SLC24A2: variants seen among roughly 807,000 people sequenced by gnomAD.
SLC24A2 encodes sodium/potassium/calcium exchanger 2.
A neutral mutation model predicts 62.0 loss-of-function variants in SLC24A2; 36 were observed. The observed-to-expected ratio is 0.58, with a 90% CI of 0.44 to 0.77. SLC24A2 has a LOEUF of 0.77. Ranked by LOEUF, SLC24A2 falls within the 30% of genes least tolerant of loss-of-function variation. The probability of loss-of-function intolerance (pLI) is 0.00; values close to 1 mark genes in which losing one functional copy is unlikely to be tolerated. For synonymous variants in SLC24A2, 358 were observed against 294.0 expected (o/e 1.22, Z -2.23); for missense variants, 846 against 817.9 (o/e 1.03, Z -0.42).
At chr9:19,862,555 C>G in the SLC24A2 span, among the ~76,000 whole-genome samples, 1 of 152,052 alleles carries the variant, frequency 6.6e-6, no homozygotes, top group African/African-American at 2.4e-5. Flanking sequence ...TGTTATAACA[C>G]TGCAACTGTG....
chr9:20,016,437 T>C, the SLC24A2 span, among the ~76,000 whole-genome samples: 1 of 152,212 alleles, frequency 6.6e-6, no homozygotes, highest in Non-Finnish European at 1.5e-5. Flanking sequence ...AAATGTTCTA[T>C]ATTGACTCCT....
the SLC24A2 span, among the ~76,000 whole-genome samples, chr9:19,901,105 C>T: frequency 2.6e-5 from 4 of 152,300 alleles, no homozygotes; most frequent in Admixed American, 1.3e-4. Context: ...AGGCAACAAA[C>T]ATTATTGATC....
At chr9:19,539,247 CT>C (rs1302601609) in intron 8 of SLC24A2, among the ~76,000 whole-genome samples, 1 of 63,372 alleles carries the variant, frequency 1.6e-5, no homozygotes, top group Non-Finnish European at 3.0e-5. Context: ...CTTCTGCTAG[CT>C]TTTGAATGTG....
rs1175928076 is a variant in SLC24A2 at position 19,634,571 on chromosome 9, A to G, written c.931-12272T>C. Among the ~76,000 whole-genome samples the G allele has an allele frequency of 3.3e-5, 5 of 152,288 alleles. No individual in the cohort carries two copies. In the East Asian group the frequency reaches 9.7e-4, roughly 29 times the overall value. ...CCAAAGTGCCGGGATTATAGGCCTG[A>G]ACCACTGCGCCCGGCCAAAACCACA... On this transcript the variant is annotated intron_variant, in intron 2 of 10. Coordinates refer to ENST00000341998, the MANE Select transcript of SLC24A2 (RefSeq NM_020344.4).
intron 2 of SLC24A2, among the ~76,000 whole-genome samples, chr9:19,752,473 A>G (rs1822013194): frequency 6.6e-6 from 1 of 152,134 alleles, no homozygotes; most frequent in Non-Finnish European, 1.5e-5. Context: ...AGCGATCATC[A>G]TGGCAGATAA....
the SLC24A2 span, among the ~76,000 whole-genome samples, chr9:20,112,957 G>GA: frequency 6.6e-6 from 1 of 151,948 alleles, no homozygotes; most frequent in Non-Finnish European, 1.5e-5. Context: ...GTTAGGGCTG[G>GA]AAAAAACAAA....
the SLC24A2 span, among the ~76,000 whole-genome samples, chr9:20,292,613 G>A: frequency 1.1e-3 from 162 of 152,196 alleles, no homozygotes; most frequent in Non-Finnish European, 3.7e-4. Context: ...TTTTTGTTTC[G>A]TTTTGTTTTT....
chr9:20,032,271 G>A, the SLC24A2 span, among the ~76,000 whole-genome samples: 5 of 152,240 alleles, frequency 3.3e-5, no homozygotes, highest in South Asian at 4.1e-4. Context: ...ATGATTGCAC[G>A]TCTTTTCACT....
chr9:19,788,751 G>T, intron 1 of SLC24A2, 134 bp downstream of exon 1: 2 of 985,430 alleles, frequency 2.0e-6, no homozygotes, highest in South Asian at 9.4e-5. Context: ...TCCTAGCGGG[G>T]CCTGGGGCGC....
the SLC24A2 span, among the ~76,000 whole-genome samples, chr9:20,225,931 GAGA>G: frequency 3.9e-4 from 60 of 151,970 alleles, no homozygotes; most frequent in Non-Finnish European, 1.3e-4. Context: ...ATAGGAAGGA[GAGA>G]AGAAGGGAGG....
the SLC24A2 span, among the ~76,000 whole-genome samples, chr9:20,202,050 G>GGTGTGTGTGTGTGTGTGTGTGTGTGT: frequency 1.4e-5 from 2 of 141,680 alleles, no homozygotes; most frequent in Admixed American, 1.4e-4. Context: ...CCCATTTCAT[G>GGTGTGTGTGTGTGTGTGTGTGTGTGT]GTGTGTGTGT....
rs763015786 is a variant in SLC24A2, at chr9:19,508,258, T to A, written c.*7895A>T. On this transcript the variant is annotated 3_prime_UTR_variant, in exon 11 of 11. Coordinates refer to ENST00000341998, the MANE Select transcript of SLC24A2 (RefSeq NM_020344.4). ...CAATTCAGTAACTGAGGCTCCCTCT[T>A]CCGAATAGAGTCTCAGCCCTTTAGA... The A allele has an allele frequency of 4.6e-5, 7 of 152,214 alleles. No individual in the cohort carries two copies. Among genetic ancestry groups the A allele is most frequent in the Non-Finnish European group, 5.9e-5 (4 of 68,058 alleles). The allele number at this position is 152,214 out of a possible 1,614,324, so 9.4% of individuals were successfully genotyped here.
the SLC24A2 span, among the ~76,000 whole-genome samples, chr9:20,190,391 A>T: frequency 6.6e-6 from 1 of 152,222 alleles, no homozygotes; most frequent in Non-Finnish European, 1.5e-5. Context: ...GATAATAATT[A>T]AAAATTTTTA....
chr9:20,294,680 T>C, the SLC24A2 span, among the ~76,000 whole-genome samples: 461 of 152,200 alleles, frequency 3.0e-3, 3 homozygotes, highest in Non-Finnish European at 3.9e-3. Flanking sequence ...CCAGTACTAA[T>C]TGAAAATGAA....
chr9:19,706,481 G>A (rs1244422681), intron 2 of SLC24A2, among the ~76,000 whole-genome samples: 1 of 150,780 alleles, frequency 6.6e-6, no homozygotes, highest in Admixed American at 6.6e-5. Flanking sequence ...CCGGGTTCAC[G>A]CCATTCTCCT....
chr9:20,296,847 G>C, the SLC24A2 span, among the ~76,000 whole-genome samples: 1 of 152,174 alleles, frequency 6.6e-6, no homozygotes, highest in African/African-American at 2.4e-5. Flanking sequence ...ATGCTCTCAT[G>C]ACTGTTGTTA....
At chr9:19,905,198 A>C in the SLC24A2 span, among the ~76,000 whole-genome samples, 2 of 152,080 alleles carry the variant, frequency 1.3e-5, no homozygotes, top group Non-Finnish European at 2.9e-5. Context: ...GTTCATGGAC[A>C]ATGAAAAAGA....
chr9:19,963,678 C>G, the SLC24A2 span, among the ~76,000 whole-genome samples: 10 of 152,168 alleles, frequency 6.6e-5, no homozygotes, highest in African/African-American at 2.2e-4. Flanking sequence ...GATACCATCT[C>G]ACACCAGTTA....
At chr9:20,198,219 GA>G in the SLC24A2 span, among the ~76,000 whole-genome samples, 5 of 152,030 alleles carry the variant, frequency 3.3e-5, no homozygotes, top group African/African-American at 1.2e-4. Flanking sequence ...GGGAAAGGGG[GA>G]AAAAAGCATG....
Sources: allele counts gnomAD v4.1 joint callset (sites outside exome capture counted in the v4.1 genomes callset), GRCh38; gene constraint gnomAD v4.1.1; transcripts MANE v1.5; gene names NCBI Gene and HGNC (gene_info 2026-07-23, HGNC 2026-07-21).